SPECC1: variants seen among roughly 807,000 people sequenced by gnomAD.
The protein encoded by SPECC1 is cytospin-B.
SPECC1 carries 62 observed loss-of-function variants against 104.1 expected under a neutral mutation model. That is an observed-to-expected ratio of 0.60 (90% confidence interval 0.49 to 0.74). The LOEUF is 0.74. Among genes scored for constraint, SPECC1 ranks in the 30% least tolerant of loss-of-function variants. The pLI is 0.00. For synonymous variants in SPECC1, 513 were observed against 501.6 expected (o/e 1.02, Z -0.30); for missense variants, 1,306 against 1,310.5 (o/e 1.00, Z 0.05).
chr17:20,045,265 T>A (rs2045493703), intron 1 of SPECC1, among the ~76,000 whole-genome samples: 1 of 152,226 alleles, frequency 6.6e-6, no homozygotes, highest in Non-Finnish European at 1.5e-5. Context: ...TCTGTGGACA[T>A]CCATATCACT....
chr17:20,191,237 A>G (rs2035647991), intron 3 of SPECC1, among the ~76,000 whole-genome samples: 1 of 152,154 alleles, frequency 6.6e-6, no homozygotes, highest in African/African-American at 2.4e-5. Context: ...CATTTGGCTA[A>G]ATACCAAGGA....
At position 20,193,416 on chromosome 17, in the gene SPECC1, A is replaced by G. The variant is rs1043691810; in HGVS notation, c.284-10917A>G. ...TTGTTCTGGTTCACATGCCTCTGAC[A>G]TTTCCCCCCTCCCTTTTATAAGAGA... On this transcript the variant is annotated intron_variant, in intron 3 of 14. Coordinates refer to ENST00000395527, the MANE Select transcript of SPECC1 (RefSeq NM_001243439.2). Among the ~76,000 whole-genome samples the G allele has an allele frequency of 1.1e-4, 16 of 152,066 alleles. 1 individual carries two copies. Among genetic ancestry groups the G allele is most frequent in the Admixed American group, 9.2e-4 (14 of 15,266 alleles).
At chr17:20,173,549 G>A (rs889519898) in intron 3 of SPECC1, among the ~76,000 whole-genome samples, 4 of 152,212 alleles carry the variant, frequency 2.6e-5, no homozygotes, top group Non-Finnish European at 5.9e-5. Context: ...CCTCCCAGCA[G>A]TCTAGCCATC....
intron 3 of SPECC1, among the ~76,000 whole-genome samples, chr17:20,159,484 A>G (rs1874926925): frequency 1.3e-5 from 2 of 152,156 alleles, no homozygotes; most frequent in Admixed American, 6.5e-5. Flanking sequence ...CCCATCTGAG[A>G]CCCGCTGTAG....
chr17:20,127,258 A>G (rs547670732), intron 3 of SPECC1, among the ~76,000 whole-genome samples: 6 of 152,232 alleles, frequency 3.9e-5, no homozygotes, highest in South Asian at 4.1e-4. Flanking sequence ...ACTTTGTTTC[A>G]TAGGTGCATA....
At chr17:20,038,888 A>G (rs1265185042) in intron 1 of SPECC1, among the ~76,000 whole-genome samples, 1 of 152,182 alleles carries the variant, frequency 6.6e-6, no homozygotes, top group Non-Finnish European at 1.5e-5. Context: ...ATTCCAGTAG[A>G]GCACACTCTG....
At chr17:20,176,376 A>AC (rs1298959673) in intron 3 of SPECC1, among the ~76,000 whole-genome samples, 3 of 151,992 alleles carry the variant, frequency 2.0e-5, no homozygotes, top group African/African-American at 7.3e-5. Flanking sequence ...TTCATTTCTC[A>AC]CCAAATGCAG....
chr17:20,192,022 C>T (rs1402611085), intron 3 of SPECC1, among the ~76,000 whole-genome samples: 3 of 152,030 alleles, frequency 2.0e-5, no homozygotes, highest in Non-Finnish European at 4.4e-5. Context: ...CTGCAGCCTT[C>T]ACCTCCTGGG....
intron 3 of SPECC1, among the ~76,000 whole-genome samples, chr17:20,138,522 G>A (rs745536031): frequency 6.6e-6 from 1 of 152,010 alleles, no homozygotes; most frequent in Non-Finnish European, 1.5e-5. Context: ...TGCTCTGCCC[G>A]TTCATCCCTC....
chr17:20,232,313 G>T lies in SPECC1; in HGVS notation c.2259G>T (p.Leu753=). ...QQELRTVKRK[L]LEEEEKNARL... ...AGCTGCGCACCGTGAAGAGGAAACT[G>T]CTGGAGGAGGAGGAGAAGAATGCCC... is the stretch of plus-strand genomic sequence containing the variant. Residue 753 remains leucine, a synonymous_variant, in exon 7 of 15, where the codon CTG becomes CTT. Transcript: ENST00000395527. The T allele has an allele frequency of 1.2e-6, 2 of 1,614,200 alleles. No individual in the cohort carries two copies. Among genetic ancestry groups the T allele is most frequent in the South Asian group, 1.1e-5 (1 of 91,078 alleles).
intron 1 of SPECC1, among the ~76,000 whole-genome samples, chr17:20,086,312 C>T (rs894674307): frequency 6.6e-6 from 1 of 152,178 alleles, no homozygotes; most frequent in Non-Finnish European, 1.5e-5. Flanking sequence ...CCTCCTGTCT[C>T]TCCCCCTAGG....
At chr17:20,156,860 G>C (rs2032615631) in intron 3 of SPECC1, among the ~76,000 whole-genome samples, 1 of 152,140 alleles carries the variant, frequency 6.6e-6, no homozygotes, top group Non-Finnish European at 1.5e-5. Flanking sequence ...AAGCAGGGTT[G>C]CTTTTAAAAA....
At chr17:20,021,426 C>T (rs1456015150) in intron 1 of SPECC1, among the ~76,000 whole-genome samples, 6 of 152,082 alleles carry the variant, frequency 3.9e-5, no homozygotes, top group South Asian at 2.1e-4. Flanking sequence ...TTGTCCATCT[C>T]GTCTCCTGTA....
At chr17:20,215,596 T>C (rs144211875) in intron 4 of SPECC1, among the ~76,000 whole-genome samples, 1 of 152,364 alleles carries the variant, frequency 6.6e-6, no homozygotes, top group Non-Finnish European at 1.5e-5. Flanking sequence ...TTTTGGCATG[T>C]AACTATTTGA....
chr17:20,216,809 A>G (rs2037519252), intron 4 of SPECC1, among the ~76,000 whole-genome samples: 1 of 152,168 alleles, frequency 6.6e-6, no homozygotes, highest in African/African-American at 2.4e-5. Context: ...AAACGTTGAA[A>G]ATCACATTGC....
intron 4 of SPECC1, among the ~76,000 whole-genome samples, chr17:20,223,349 A>G (rs1230334363): frequency 1.3e-5 from 2 of 152,056 alleles, no homozygotes; most frequent in Non-Finnish European, 2.9e-5. Flanking sequence ...ATAAACTTTT[A>G]GCTCCATAAT....
At chr17:20,032,925 C>T (rs985804852) in intron 1 of SPECC1, among the ~76,000 whole-genome samples, 1 of 147,206 alleles carries the variant, frequency 6.8e-6, no homozygotes. Context: ...TGTGTATATA[C>T]ACACACGCGC....
intron 1 of SPECC1, among the ~76,000 whole-genome samples, chr17:20,090,165 C>T (rs1236906073): frequency 6.6e-6 from 1 of 152,186 alleles, no homozygotes; most frequent in Non-Finnish European, 1.5e-5. Context: ...TCCTGGGCCT[C>T]CTGTTTGCCA....
At chr17:20,034,236 T>C (rs2044959368) in intron 1 of SPECC1, among the ~76,000 whole-genome samples, 1 of 152,082 alleles carries the variant, frequency 6.6e-6, no homozygotes, top group African/African-American at 2.4e-5. Context: ...TAGCTGGGAT[T>C]ACAGGCATGC....
Sources: allele counts gnomAD v4.1 joint callset (sites outside exome capture counted in the v4.1 genomes callset), GRCh38; gene constraint gnomAD v4.1.1; transcripts MANE v1.5; gene names NCBI Gene and HGNC (gene_info 2026-07-23, HGNC 2026-07-21).